Variants in ACVR2A observed in about 807,000 individuals in gnomAD.
ACVR2A encodes activin receptor type-2A.
Under a neutral mutation model 61.4 loss-of-function variants are expected in ACVR2A, and 7 were observed. The ratio of observed to expected loss-of-function variants is 0.11; its 90% CI spans 0.06 to 0.21. ACVR2A has a LOEUF of 0.21. Among genes scored for constraint, ACVR2A ranks in the 10% least tolerant of loss-of-function variants. The pLI, the probability that ACVR2A is intolerant of heterozygous loss-of-function variation, is 1.00. For synonymous variants in ACVR2A, 193 were observed against 208.3 expected, an observed-to-expected ratio of 0.93 and a Z score of 0.63; for missense variants, 322 against 621.7, an observed-to-expected ratio of 0.52 and a Z score of 5.13.
intron 1 of ACVR2A, among the ~76,000 whole-genome samples, chr2:147,857,649 G>T (rs527876924): frequency 6.6e-6 from 1 of 151,810 alleles, no homozygotes; most frequent in East Asian, 1.9e-4. Context: ...CAAACATTCT[G>T]CCAGGAGAAA....
intron 1 of ACVR2A, among the ~76,000 whole-genome samples, chr2:147,861,068 A>G (rs13417581): frequency 0.019 from 2,922 of 152,204 alleles, 90 homozygotes; most frequent in African/African-American, 0.067. Flanking sequence ...CAGTTGTTAT[A>G]AAGTGTAAAT....
Position 147,899,606 on chromosome 2 carries a change from T to C in ACVR2A, c.373+39T>C, listed in dbSNP as rs949680849. On this transcript the variant is annotated intron_variant, in intron 3 of 10. Coordinates refer to ENST00000241416, the MANE Select transcript of ACVR2A (RefSeq NM_001616.5). The stretch of plus-strand genomic sequence containing the variant: ...GAAAATACGTAGGTTTGCTCAACTG[T>C]AGATTGGAAACAAAATATATTTGTG... 1.9e-6 allele frequency: 3 copies of C among 1,594,046 alleles called. No homozygotes were observed. The Admixed American group carries it at 5.1e-5, about 27-fold the overall frequency.
chr2:147,857,302 A>C (rs1343742113), intron 1 of ACVR2A, among the ~76,000 whole-genome samples: 2 of 152,162 alleles, frequency 1.3e-5, no homozygotes, highest in Non-Finnish European at 2.9e-5. Flanking sequence ...AGCAACATAT[A>C]TTTAGCAGTC....
At chr2:147,860,350 A>AT (rs1168190220) in intron 1 of ACVR2A, among the ~76,000 whole-genome samples, 1 of 152,030 alleles carries the variant, frequency 6.6e-6, no homozygotes, top group Non-Finnish European at 1.5e-5. Context: ...CCAGGTGGCA[A>AT]TTTACAAGTG....
At position 147,920,176 on chromosome 2, in the gene ACVR2A, A is replaced by G. The variant is rs775631370; in HGVS notation, c.963-54A>G. 3.0e-5 allele frequency: 37 copies of G among 1,253,402 alleles called. 1 individual carries two copies. The highest frequency in any genetic ancestry group is 4.1e-5 in the Non-Finnish European group (36 of 867,612). 77.6% of individuals were successfully genotyped at this position (1,253,402 alleles called of 1,614,324 possible). On this transcript the variant is annotated intron_variant, in intron 7 of 10. Transcript: ENST00000241416. Reference sequence around the variant, plus strand: ...CCCCCTTTTCTGCTTTCAATAAAAAATTTAAAAAGGTAACTAGTTTAAACT... The same window carrying G: ...CCCCCTTTTCTGCTTTCAATAAAAAGTTTAAAAAGGTAACTAGTTTAAACT...
chr2:147,887,196 A>C (rs1046681982), intron 1 of ACVR2A, among the ~76,000 whole-genome samples: 2 of 151,618 alleles, frequency 1.3e-5, no homozygotes, highest in African/African-American at 4.9e-5. Context: ...TAGGCTATAG[A>C]GCGAGATCTT....
At chr2:147,897,033 G>C (rs1459733496) in intron 2 of ACVR2A, 1 of 135,364 alleles carries the variant, frequency 7.4e-6, no homozygotes. Flanking sequence ...TTTTGAGACA[G>C]ATTTCGCTCT....
intron 1 of ACVR2A, among the ~76,000 whole-genome samples, chr2:147,879,125 C>CT (rs560109560): frequency 6.6e-4 from 101 of 152,152 alleles, no homozygotes; most frequent in African/African-American, 2.2e-3. Flanking sequence ...TGATATTTTG[C>CT]TTTTTTTCAT....
At chr2:147,917,212 G>GTAAT (rs1687266410) in intron 5 of ACVR2A, 71 bp from the exon 6 acceptor site, 1 of 1,421,460 alleles carries the variant, frequency 7.0e-7, no homozygotes, top group Non-Finnish European at 9.4e-7. Context: ...ACTTATTTGA[G>GTAAT]TAATCTCTTA....
intron 4 of ACVR2A, among the ~76,000 whole-genome samples, chr2:147,902,631 A>G (rs1335735704): frequency 2.0e-5 from 3 of 151,964 alleles, no homozygotes; most frequent in African/African-American, 7.2e-5. Context: ...TCTAAAGTAC[A>G]TTTTGGAATA....
At position 147,896,644 on chromosome 2, in the gene ACVR2A, A is replaced by G. The variant is rs1686739829; in HGVS notation, c.263+136A>G. On this transcript the variant is annotated intron_variant, in intron 2 of 10. Transcript: ENST00000241416. ...TTTAAAAAATGGGATTATAAAGAACATTATAACATGCTGTAATGACAGTAT... is the reference window on the plus strand; with the variant it reads ...TTTAAAAAATGGGATTATAAAGAACGTTATAACATGCTGTAATGACAGTAT... The G allele has an allele frequency of 4.2e-6, 3 of 720,578 alleles. No individual in the cohort carries two copies. The Admixed American group carries it at 8.1e-5, about 19-fold the overall frequency. The allele number at this position is 720,578 out of a possible 1,614,324, so 44.6% of individuals were successfully genotyped here.
At position 147,920,265 on chromosome 2, in the gene ACVR2A, A is replaced by G; in HGVS notation, c.998A>G (p.Asn333Ser). 1.9e-6 allele frequency: 3 copies of G among 1,613,614 alleles called. No individual in the cohort carries two copies. Among genetic ancestry groups the G allele is most frequent in the Non-Finnish European group, 2.5e-6 (3 of 1,179,658 alleles). Residue 333 changes from asparagine (N) to serine (S), a missense_variant, in exon 8 of 11, where the codon AAC becomes AGC. This residue lies in a region of ACVR2A where 146 missense variants were observed against 383.8 expected (regional missense o/e 0.38). Transcript: ENST00000241416. ...AGTAAAAATGTGCTGTTGAAAAACA[A>G]CCTGACAGCTTGCATTGCTGACTTT... ...IKSKNVLLKN[N>S]LTACIADFGL... is the part of the protein sequence containing the mutation.
chr2:147,914,265 T>C (rs905011312), intron 4 of ACVR2A, among the ~76,000 whole-genome samples: 2 of 151,938 alleles, frequency 1.3e-5, no homozygotes, highest in Non-Finnish European at 2.9e-5. Context: ...ACCCTTCTGT[T>C]GCTTTTCTCT....
intron 1 of ACVR2A, among the ~76,000 whole-genome samples, chr2:147,895,748 G>A (rs1461170425): frequency 6.6e-6 from 1 of 152,098 alleles, no homozygotes; most frequent in Non-Finnish European, 1.5e-5. Context: ...TTACTTTAGT[G>A]TAAGAATTTA....
At chr2:147,849,036 C>G (rs1685386991) in intron 1 of ACVR2A, among the ~76,000 whole-genome samples, 2 of 152,028 alleles carry the variant, frequency 1.3e-5, no homozygotes, top group Admixed American at 1.3e-4. Context: ...TATAGATACG[C>G]ACATTCTTTC....
chr2:147,845,250 C>A (rs760081280), intron 1 of ACVR2A, 43 bp downstream of exon 1: 1 of 1,583,916 alleles, frequency 6.3e-7, no homozygotes, highest in Non-Finnish European at 8.6e-7. Context: ...CTCCTGCGGC[C>A]GCGGCGGCCG....
chr2:147,847,780 T>C (rs1407230157), intron 1 of ACVR2A, among the ~76,000 whole-genome samples: 1 of 152,246 alleles, frequency 6.6e-6, no homozygotes, highest in Non-Finnish European at 1.5e-5. Flanking sequence ...CCTCTCATAC[T>C]TTCTCAGATT....
chr2:147,903,623 C>T (rs1240569531), intron 4 of ACVR2A, among the ~76,000 whole-genome samples: 4 of 151,908 alleles, frequency 2.6e-5, no homozygotes, highest in African/African-American at 7.2e-5. Context: ...CTTCCATACT[C>T]TCTTTGTCTT....
intron 1 of ACVR2A, among the ~76,000 whole-genome samples, chr2:147,848,833 C>T (rs898744041): frequency 1.3e-5 from 2 of 151,958 alleles, no homozygotes; most frequent in Non-Finnish European, 2.9e-5. Flanking sequence ...AAAGGAAAAA[C>T]TCAGTTCTAA....
Sources: allele counts gnomAD v4.1 joint callset (sites outside exome capture counted in the v4.1 genomes callset), GRCh38; gene constraint gnomAD v4.1.1; regional missense constraint gnomAD v4.1.1; transcripts MANE v1.5; gene names NCBI Gene and HGNC (gene_info 2026-07-23, HGNC 2026-07-21).